The following MAP3K5 variants were observed in gnomAD, a reference collection of about 807,000 sequenced individuals.
MAP3K5 encodes the protein mitogen-activated protein kinase kinase kinase 5.
In MAP3K5, 56 loss-of-function variants were observed where a neutral mutation model predicts 158.7. That is an observed-to-expected ratio of 0.35 (90% CI 0.28 to 0.44). The LOEUF (loss-of-function observed/expected upper bound fraction) is 0.44, where lower values mean the gene tolerates loss of function less well. Ranked by LOEUF, MAP3K5 falls within the 20% of genes least tolerant of loss-of-function variation. The pLI is 1.00. For missense variants in MAP3K5, 1,294 were observed against 1,674.8 expected (o/e 0.77, Z 3.97); for synonymous variants, 579 against 601.7 (o/e 0.96, Z 0.55).
Position 136,688,228 on chromosome 6 carries a change from A to G in MAP3K5, c.1253+5912T>C, listed in dbSNP as rs573222828. On this transcript the variant is annotated intron_variant, in intron 7 of 29. Transcript: ENST00000359015. Reference sequence around the variant, plus strand: ...AGTGGGTGTTGAACAATGAGAACACATGGACACAGGGAGGGGAACATCACA... The same window carrying G: ...AGTGGGTGTTGAACAATGAGAACACGTGGACACAGGGAGGGGAACATCACA... Among the ~76,000 whole-genome samples the G allele has an allele frequency of 8.5e-4, 129 of 152,230 alleles. No individual in the cohort carries two copies. The Middle Eastern group carries it at 0.01, about 12-fold the overall frequency.
intron 7 of MAP3K5, among the ~76,000 whole-genome samples, chr6:136,681,600 T>C (rs1031240689): frequency 6.6e-5 from 10 of 152,096 alleles, no homozygotes; most frequent in Admixed American, 6.6e-4. Flanking sequence ...ACCCCTGCAC[T>C]CCAGCCTAGG....
chr6:136,787,134 A>G (rs980347415), intron 1 of MAP3K5, among the ~76,000 whole-genome samples: 4 of 152,186 alleles, frequency 2.6e-5, no homozygotes, highest in Non-Finnish European at 5.9e-5. Flanking sequence ...AGGCAGAGGC[A>G]GGAGGATAGC....
In MAP3K5 at chr6:136,694,276, C is replaced by T. The variant is rs1459508950; in HGVS notation, c.1117G>A (p.Asp373Asn). The T allele has an allele frequency of 1.2e-6, 2 of 1,612,878 alleles. No homozygotes were observed. The highest frequency in any genetic ancestry group is 1.1e-5 in the South Asian group (1 of 91,058). ...CTTTGCACCATGGGAATCATAATAT[C>T]AAGAGCTTTTGCTCTGTCACCAGGG... ...NLPGDRAKAL[D>N]IMIPMVQSEG... is the part of the protein sequence containing the mutation. The change falls in exon 7 of 30, where the codon GAT becomes AAT. Residue 373 changes from aspartate (D) to asparagine (N), a missense_variant. Physicochemically the swap from Asp to Asn is conservative, Grantham distance 23. Coordinates refer to ENST00000359015, the MANE Select transcript of MAP3K5 (RefSeq NM_005923.4).
intron 7 of MAP3K5, among the ~76,000 whole-genome samples, chr6:136,680,354 T>C (rs1583406066): frequency 6.6e-6 from 1 of 152,242 alleles, no homozygotes; most frequent in East Asian, 1.9e-4. Flanking sequence ...ATATATATTT[T>C]ACCACCAAAT....
At chr6:136,580,533 A>C (rs914400341) in intron 24 of MAP3K5, 127 bp from the exon 25 acceptor site, 1 of 558,910 alleles carries the variant, frequency 1.8e-6, no homozygotes, top group Admixed American at 2.8e-5. Context: ...ATTCTTTGTA[A>C]TTCTTTATGT....
chr6:136,565,702 A>G (rs1774073762), intron 26 of MAP3K5, among the ~76,000 whole-genome samples: 1 of 152,202 alleles, frequency 6.6e-6, no homozygotes, highest in African/African-American at 2.4e-5. Context: ...GTAATATTCA[A>G]CTGAAAATTA....
chr6:136,744,325 G>A lies in MAP3K5; in HGVS notation c.449-23736C>T, dbSNP rs146859087. The stretch of plus-strand genomic sequence containing the variant: ...TGAGTTTTGCTGTAAATCTAAAACC[G>A]CTCTGAAATACACATATATATGTAT... On this transcript the variant is annotated intron_variant, in intron 1 of 29. Transcript: ENST00000359015. 2.2e-3 allele frequency among the ~76,000 whole-genome samples: 331 copies of A among 151,974 alleles called. 2 individuals carry two copies. Among genetic ancestry groups the A allele is most frequent in the African/African-American group, 7.5e-3 (309 of 41,386 alleles).
intron 24 of MAP3K5, among the ~76,000 whole-genome samples, chr6:136,582,646 TGGCTTTAAATTG>T (rs1208575563): frequency 6.6e-6 from 1 of 152,240 alleles, no homozygotes; most frequent in Non-Finnish European, 1.5e-5. Context: ...GATTCTAATT[TGGCTTTAAATTG>T]GGGATCATTT....
chr6:136,792,382 T>C lies in MAP3K5; in HGVS notation c.-225A>G. 1.0e-6 allele frequency: 1 copy of C among 997,454 alleles called. No homozygotes were observed. The highest frequency in any genetic ancestry group is 1.2e-6 in the Non-Finnish European group (1 of 839,538). The allele number at this position is 997,454 out of a possible 1,614,324, so 61.8% of individuals were successfully genotyped here. On this transcript the variant is annotated 5_prime_UTR_variant, in exon 1 of 30. Coordinates refer to ENST00000359015, the MANE Select transcript of MAP3K5 (RefSeq NM_005923.4). This position sits in a 1 kb window ranked among gnomAD's most constrained non-coding sequence, Gnocchi z 5.7. ...CTCGGCGCCTCCGTGGCCGCGCCGC[T>C]CGCCCTCTGCAGAGTTTAGAGTACA... is the stretch of plus-strand genomic sequence containing the variant.
At chr6:136,644,054 G>C (rs1778121257) in intron 11 of MAP3K5, among the ~76,000 whole-genome samples, 1 of 152,224 alleles carries the variant, frequency 6.6e-6, no homozygotes, top group African/African-American at 2.4e-5. Flanking sequence ...AGCTGAGGCA[G>C]TATGCAAACC....
At chr6:136,721,166 T>G (rs1005565930) in intron 1 of MAP3K5, among the ~76,000 whole-genome samples, 1 of 151,344 alleles carries the variant, frequency 6.6e-6, no homozygotes, top group African/African-American at 2.4e-5. Context: ...CAGGGGCTAA[T>G]GCTCTCTCAT....
At chr6:136,567,599 A>G in intron 26 of MAP3K5, 32 bp downstream of exon 26, 1 of 1,572,312 alleles carries the variant, frequency 6.4e-7, no homozygotes, top group Middle Eastern at 1.8e-4. Flanking sequence ...AGTAAAAGAA[A>G]AGAAACCAAC....
rs1189403917 is a variant in MAP3K5 at position 136,639,649 on chromosome 6, C to A, written c.1839-11G>T. On this transcript the variant is annotated splice_polypyrimidine_tract_variant and intron_variant, in intron 12 of 29. Coordinates refer to ENST00000359015, the MANE Select transcript of MAP3K5 (RefSeq NM_005923.4). Reference sequence around the variant, plus strand: ...TCAAATTTAGAAATACTGAAACCAACAAACAAAAAGGCATTATTCAGAGAA... The same window carrying A: ...TCAAATTTAGAAATACTGAAACCAAAAAACAAAAAGGCATTATTCAGAGAA... 2.8e-6 allele frequency: 4 copies of A among 1,427,588 alleles called. No homozygotes were observed. Among genetic ancestry groups the A allele is most frequent in the Admixed American group, 2.0e-5 (1 of 49,802 alleles). 88.4% of individuals were successfully genotyped at this position (1,427,588 alleles called of 1,614,324 possible).
At chr6:136,648,408 A>G (rs1778367101) in intron 11 of MAP3K5, among the ~76,000 whole-genome samples, 1 of 152,200 alleles carries the variant, frequency 6.6e-6, no homozygotes, top group Non-Finnish European at 1.5e-5. Flanking sequence ...CAGCTTGGAC[A>G]GTGTTTCACA....
intron 14 of MAP3K5, chr6:136,637,020 C>T (rs1777668643): frequency 1.8e-6 from 2 of 1,141,948 alleles, no homozygotes; most frequent in Non-Finnish European, 2.2e-6. Flanking sequence ...GCACATATCT[C>T]AGAGGAGAAT....
At chr6:136,737,247 T>A (rs1370399194) in intron 1 of MAP3K5, among the ~76,000 whole-genome samples, 1 of 136,726 alleles carries the variant, frequency 7.3e-6, no homozygotes, top group Admixed American at 7.4e-5. Context: ...GACGGGAGGG[T>A]GGGAAGGGGG....
Position 136,562,717 on chromosome 6 carries a change from G to A in MAP3K5, c.3762-102C>T, listed in dbSNP as rs573051594. ...TACAAGGTCTCTCTCTGTTGCCTAG[G>A]CTGAGTGTAGTGGCCCAATTATAGC... On this transcript the variant is annotated intron_variant, in intron 26 of 29. Transcript: ENST00000359015. The A allele has an allele frequency of 5.2e-5, 30 of 579,852 alleles. No homozygotes were observed. The South Asian group carries it at 6.9e-4, about 13-fold the overall frequency. 35.9% of individuals were successfully genotyped at this position (579,852 alleles called of 1,614,324 possible). A position where few individuals can be genotyped will look rare whatever the true frequency, so the allele number is the denominator to read the frequency against.
intron 1 of MAP3K5, among the ~76,000 whole-genome samples, chr6:136,753,747 T>A (rs754023504): frequency 1.5e-4 from 23 of 152,098 alleles, no homozygotes; most frequent in Non-Finnish European, 2.5e-4. Context: ...TAGCTTATCA[T>A]CATAAATAAT....
intron 15 of MAP3K5, among the ~76,000 whole-genome samples, chr6:136,616,297 CCTCTT>C (rs1384912817): frequency 2.2e-4 from 32 of 147,792 alleles, no homozygotes; most frequent in African/African-American, 5.6e-4. Flanking sequence ...CATACCTGCT[CCTCTT>C]TTTTTTTTTT....
Sources: gnomAD v4.1 joint callset for allele counts (sites outside exome capture counted in the v4.1 genomes callset) on GRCh38, gnomAD v4.1.1 for gene constraint, Gnocchi (gnomAD v3.1) non-coding constraint, MANE v1.5 for transcripts, NCBI Gene and HGNC (gene_info 2026-07-23, HGNC 2026-07-21) for gene names.